Variants in KCNIP4 observed in about 807,000 individuals in gnomAD.
KCNIP4 encodes the protein potassium voltage-gated channel interacting protein 4.
KCNIP4 carries 12 observed loss-of-function variants against 34.0 expected under a neutral mutation model. That is an observed-to-expected ratio of 0.35 (90% CI 0.23 to 0.57). The LOEUF (loss-of-function observed/expected upper bound fraction) is 0.57. KCNIP4 is among the 20% of genes least tolerant of loss of function. The probability of loss-of-function intolerance (pLI) is 0.83; values close to 1 mark genes in which losing one functional copy is unlikely to be tolerated. For missense variants in KCNIP4, 238 were observed against 311.7 expected (o/e 0.76, Z 1.78); for synonymous variants, 124 against 102.2 (o/e 1.21, Z -1.29).
At chr4:21,793,801 T>C (rs1406716241) in intron 1 of KCNIP4, among the ~76,000 whole-genome samples, 1 of 152,098 alleles carries the variant, frequency 6.6e-6, no homozygotes, top group Non-Finnish European at 1.5e-5. Flanking sequence ...CCCAAAGGAT[T>C]ATAAATCATA....
chr4:21,339,876 G>A (rs897412277), intron 1 of KCNIP4, among the ~76,000 whole-genome samples: 1 of 152,150 alleles, frequency 6.6e-6, no homozygotes, highest in Non-Finnish European at 1.5e-5. Context: ...GAACAGGGCT[G>A]ATGGTATAGA....
At chr4:21,432,622 C>T (rs1726593232) in intron 1 of KCNIP4, among the ~76,000 whole-genome samples, 1 of 152,130 alleles carries the variant, frequency 6.6e-6, no homozygotes, top group South Asian at 2.1e-4. Context: ...GATTTTTCTG[C>T]ATTGTGCTTA....
chr4:21,504,339 G>T (rs542093536), intron 1 of KCNIP4, among the ~76,000 whole-genome samples: 1 of 151,536 alleles, frequency 6.6e-6, no homozygotes, highest in African/African-American at 2.4e-5. Context: ...ATGGTGGCGC[G>T]TGCCTGTAAT....
At chr4:21,716,604 A>T (rs146099879) in intron 1 of KCNIP4, among the ~76,000 whole-genome samples, 94 of 152,208 alleles carry the variant, frequency 6.2e-4, no homozygotes, top group Non-Finnish European at 1.0e-3. Context: ...TGTAATGAGG[A>T]GTTACTGGGT....
intron 1 of KCNIP4, among the ~76,000 whole-genome samples, chr4:21,193,712 CA>C (rs941654151): frequency 2.2e-4 from 33 of 151,734 alleles, no homozygotes; most frequent in African/African-American, 6.8e-4. Flanking sequence ...GCCGGGACTA[CA>C]GGCGCCAGCC....
intron 1 of KCNIP4, among the ~76,000 whole-genome samples, chr4:21,013,907 G>A (rs979886810): frequency 6.6e-6 from 1 of 152,074 alleles, no homozygotes. Flanking sequence ...TCTTTACCTT[G>A]TCAGCTTCCA....
At chr4:21,233,797 T>TATAATATAG (rs1257480598) in intron 1 of KCNIP4, among the ~76,000 whole-genome samples, 2 of 145,430 alleles carry the variant, frequency 1.4e-5, no homozygotes, top group Non-Finnish European at 3.0e-5. Context: ...CATTATTATA[T>TATAATATAG]ATAATATAGT....
chr4:21,717,103 T>G (rs765504889), intron 1 of KCNIP4, among the ~76,000 whole-genome samples: 3 of 152,206 alleles, frequency 2.0e-5, no homozygotes, highest in Admixed American at 6.5e-5. Flanking sequence ...AGCACTATTT[T>G]GGGCCAAATA....
chr4:21,295,565 T>C (rs1560264115), intron 1 of KCNIP4, among the ~76,000 whole-genome samples: 1 of 152,138 alleles, frequency 6.6e-6, no homozygotes, highest in African/African-American at 2.4e-5. Flanking sequence ...TCCTTGGATA[T>C]ATGAAGCACA....
intron 1 of KCNIP4, among the ~76,000 whole-genome samples, chr4:20,919,430 G>A (rs1304382608): frequency 4.0e-5 from 6 of 151,592 alleles, no homozygotes; most frequent in South Asian, 2.1e-4. Context: ...TAGATCGGGC[G>A]CGGTGGCTCA....
At chr4:21,007,674 T>G (rs1264520453) in intron 1 of KCNIP4, among the ~76,000 whole-genome samples, 1 of 152,184 alleles carries the variant, frequency 6.6e-6, no homozygotes, top group Non-Finnish European at 1.5e-5. Context: ...TGAAGTCTAA[T>G]GGTGAGATCC....
rs34874556 is a variant in KCNIP4 at position 21,087,146 on chromosome 4, A to ATGTGTGTGTGTGTG, written c.62-204451_62-204438dup. Among the ~76,000 whole-genome samples, 294 of 110,916 alleles carry ATGTGTGTGTGTGTG rather than the reference A, an allele frequency of 2.7e-3. 2 individuals carry two copies. Among genetic ancestry groups the ATGTGTGTGTGTGTG allele is most frequent in the Non-Finnish European group, 3.3e-3 (189 of 56,672 alleles). The allele number at this position is 110,916 out of a possible 152,430, so 72.8% of individuals were successfully genotyped here. A position where few individuals can be genotyped will look rare whatever the true frequency, so the allele number is the denominator to read the frequency against. ...AGGCATGCACCACCACTGCTGGGTA[A>ATGTGTGTGTGTGTG]TGTGTGTGTGTGTGTGTGTGTGTGT... On this transcript the variant is annotated intron_variant, in intron 1 of 8. Transcript: ENST00000382152.
chr4:21,726,228 C>A (rs1191243833), intron 1 of KCNIP4, among the ~76,000 whole-genome samples: 3 of 135,968 alleles, frequency 2.2e-5, no homozygotes, highest in African/African-American at 5.1e-5. Context: ...GGATAAATAA[C>A]AAATCAGTAC....
chr4:20,741,348 G>T (rs1013069518), intron 5 of KCNIP4, among the ~76,000 whole-genome samples: 4 of 152,274 alleles, frequency 2.6e-5, no homozygotes, highest in East Asian at 3.9e-4. Flanking sequence ...AAATGTAAAA[G>T]AACAGAAATT....
intron 1 of KCNIP4, among the ~76,000 whole-genome samples, chr4:20,966,711 T>A (rs1019584005): frequency 7.2e-5 from 11 of 152,144 alleles, no homozygotes; most frequent in African/African-American, 2.2e-4. Flanking sequence ...TAAAGAAAAT[T>A]ATGTTTTTGG....
chr4:20,818,663 T>A (rs1016983213), intron 3 of KCNIP4, among the ~76,000 whole-genome samples: 2 of 152,154 alleles, frequency 1.3e-5, no homozygotes, highest in African/African-American at 4.8e-5. Flanking sequence ...CTGAAAAATC[T>A]CCACTAGCTT....
intron 1 of KCNIP4, among the ~76,000 whole-genome samples, chr4:21,073,701 C>T (rs4599413): frequency 0.18 from 28,113 of 151,976 alleles, 2,598 homozygotes; most frequent in South Asian, 0.21. Flanking sequence ...GAGAGGGCGT[C>T]CCTGTCTTGC....
chr4:20,819,746 A>G (rs1716871722), intron 3 of KCNIP4, among the ~76,000 whole-genome samples: 1 of 152,198 alleles, frequency 6.6e-6, no homozygotes, highest in Admixed American at 6.5e-5. Flanking sequence ...GGTTGAAGGA[A>G]GCACTCTAGG....
chr4:21,602,083 C>A (rs918985088), intron 1 of KCNIP4, among the ~76,000 whole-genome samples: 6 of 152,124 alleles, frequency 3.9e-5, no homozygotes, highest in African/African-American at 1.4e-4. Context: ...AATGGCTTTG[C>A]TTATGTTGTT....
Sources: allele counts gnomAD v4.1 joint callset (sites outside exome capture counted in the v4.1 genomes callset), GRCh38; gene constraint gnomAD v4.1.1; transcripts MANE v1.5; gene names NCBI Gene and HGNC (gene_info 2026-07-23, HGNC 2026-07-21).